Variants in FSD1L observed in about 807,000 individuals in gnomAD.
FSD1L encodes fibronectin type III and SPRY domain containing 1 like.
In FSD1L, 45 loss-of-function variants were observed where a neutral mutation model predicts 71.6. The ratio of observed to expected loss-of-function variants is 0.63; its 90% CI spans 0.49 to 0.81. The LOEUF (loss-of-function observed/expected upper bound fraction) is 0.81, where lower values mean the gene tolerates loss of function less well. FSD1L is among the 30% of genes least tolerant of loss of function. The pLI, the probability that FSD1L is intolerant of heterozygous loss-of-function variation, is 0.00. For missense variants in FSD1L, 561 were observed against 618.1 expected (o/e 0.91, Z 0.98); for synonymous variants, 197 against 207.2 (o/e 0.95, Z 0.42).
Position 105,520,304 on chromosome 9 carries a change from C to T in FSD1L, c.1025+7368C>T, listed in dbSNP as rs565749386. On this transcript the variant is annotated intron_variant, in intron 10 of 13. Coordinates refer to ENST00000481272, the MANE Select transcript of FSD1L (RefSeq NM_001145313.3). ...CTGAATCCTAGTTCAGAGTTTATCT[C>T]GAGCTGTCTTCCTGATGCGTATTTG... The T allele has an allele frequency of 4.2e-5, 63 of 1,493,024 alleles. No individual in the cohort carries two copies. In the South Asian group the frequency reaches 6.8e-4, roughly 16 times the overall value. 92.5% of individuals were successfully genotyped at this position (1,493,024 alleles called of 1,614,324 possible). A position where few individuals can be genotyped will look rare whatever the true frequency, so the allele number is the denominator to read the frequency against.
intron 9 of FSD1L, 60 bp from the exon 10 acceptor site, chr9:105,512,747 G>A: frequency 1.0e-6 from 1 of 960,066 alleles, no homozygotes; most frequent in Non-Finnish European, 1.5e-6. Flanking sequence ...TGATAGCTGT[G>A]TTTCAGAAAG....
At chr9:105,525,823 C>T (rs1403668366) in intron 10 of FSD1L, 2 of 1,605,054 alleles carry the variant, frequency 1.2e-6, no homozygotes, top group Admixed American at 3.3e-5. Flanking sequence ...GGGAGGACTA[C>T]AAAAAAACAA....
intron 10 of FSD1L, chr9:105,524,815 C>T (rs1835406408): frequency 3.2e-6 from 5 of 1,586,770 alleles, no homozygotes; most frequent in Admixed American, 1.7e-5. Flanking sequence ...GGCCATTATC[C>T]AATGAGCGGT....
At chr9:105,452,665 G>GCCTGCCTGCCTGCCTGCCTGCCTT (rs1830095598) in intron 1 of FSD1L, among the ~76,000 whole-genome samples, 9 of 85,902 alleles carry the variant, frequency 1.0e-4, no homozygotes, top group African/African-American at 4.3e-4. Flanking sequence ...CTGCCTGCCT[G>GCCTGCCTGCCTGCCTGCCTGCCTT]CCTGCCTTCC....
chr9:105,454,876 T>G (rs1830268973), intron 1 of FSD1L, among the ~76,000 whole-genome samples: 2 of 152,380 alleles, frequency 1.3e-5, no homozygotes, highest in South Asian at 4.1e-4. Flanking sequence ...GTAGGCTGTC[T>G]CAGTTACATC....
intron 4 of FSD1L, among the ~76,000 whole-genome samples, chr9:105,469,183 C>T (rs1215707156): frequency 1.3e-5 from 2 of 152,196 alleles, no homozygotes; most frequent in African/African-American, 4.8e-5. Flanking sequence ...GACATTTTGG[C>T]AGCTTACACC....
At chr9:105,539,016 TA>T (rs1199355662) in intron 12 of FSD1L, among the ~76,000 whole-genome samples, 2 of 152,146 alleles carry the variant, frequency 1.3e-5, no homozygotes, top group Non-Finnish European at 2.9e-5. Flanking sequence ...TTGTATTAAA[TA>T]AGTCGAATCG....
intron 5 of FSD1L, among the ~76,000 whole-genome samples, chr9:105,478,459 A>G (rs909646068): frequency 6.6e-6 from 1 of 152,214 alleles, no homozygotes; most frequent in Non-Finnish European, 1.5e-5. Context: ...TTTGCTAGGC[A>G]CTGGGGATAC....
chr9:105,478,558 G>A lies in FSD1L; in HGVS notation c.442-796G>A, dbSNP rs998080217. Among the ~76,000 whole-genome samples the A allele has an allele frequency of 5.9e-5, 9 of 151,916 alleles. No homozygotes were observed. In the East Asian group the frequency reaches 1.5e-3, roughly 26 times the overall value. ...GAAAAAAACTTTTGTTGGATATATT[G>A]TATGTAAATATAAAAGGGACAACAG... On this transcript the variant is annotated intron_variant, in intron 5 of 13. Coordinates refer to ENST00000481272, the MANE Select transcript of FSD1L (RefSeq NM_001145313.3).
intron 5 of FSD1L, among the ~76,000 whole-genome samples, chr9:105,476,792 A>G (rs1831833158): frequency 6.6e-6 from 1 of 152,204 alleles, no homozygotes; most frequent in Non-Finnish European, 1.5e-5. Context: ...TTATTTTCCA[A>G]TTTAAGACAT....
At chr9:105,544,021 A>G (rs1213370396) in intron 13 of FSD1L, among the ~76,000 whole-genome samples, 7 of 152,188 alleles carry the variant, frequency 4.6e-5, no homozygotes, top group Admixed American at 3.3e-4. Context: ...GTCTTCCACA[A>G]TGGTTGAACC....
chr9:105,464,331 G>A lies in FSD1L; in HGVS notation c.207G>A (p.Gln69=), dbSNP rs1187957520. 2.1e-6 allele frequency: 3 copies of A among 1,407,368 alleles called. No homozygotes were observed. The highest frequency in any genetic ancestry group is 2.6e-5 in the East Asian group (1 of 38,586). 87.2% of individuals were successfully genotyped at this position (1,407,368 alleles called of 1,614,324 possible). Reference sequence around the variant, plus strand: ...TACATCATACACTAAAAGGAGTTCAGGTATGATTGTTTTATGAAAAATTTT... The same window carrying A: ...TACATCATACACTAAAAGGAGTTCAAGTATGATTGTTTTATGAAAAATTTT... The part of the protein sequence containing the change: ...DTLHHTLKGV[Q]ENSSNILSEL... The change falls in exon 3 of 14, where the codon CAG becomes CAA. Residue 69 remains glutamine, a splice_region_variant and synonymous_variant. Coordinates refer to ENST00000481272, the MANE Select transcript of FSD1L (RefSeq NM_001145313.3).
chr9:105,461,686 T>C (rs918103039), intron 2 of FSD1L, 71 bp downstream of exon 2: 6 of 894,790 alleles, frequency 6.7e-6, no homozygotes, highest in South Asian at 6.2e-5. Flanking sequence ...TTTAGATGTC[T>C]TTGACTATAC....
chr9:105,460,591 C>CAAAAAAA (rs35223160), intron 1 of FSD1L, among the ~76,000 whole-genome samples: 1 of 66,044 alleles, frequency 1.5e-5, no homozygotes, highest in Admixed American at 1.5e-4. Flanking sequence ...GACTCCATCT[C>CAAAAAAA]AAAAAAAAAA....
chr9:105,468,248 C>G lies in FSD1L; in HGVS notation c.263C>G (p.Ser88Cys), dbSNP rs992630306. Residue 88 changes from serine (S) to cysteine (C), a missense_variant, in exon 4 of 14, where the codon TCT becomes TGT. Transcript: ENST00000481272. ...GATGAAGAATTTGATAGTTTATACTCTATACTGGATGAAGTAAAAGAAAGT... is the reference window on the plus strand; with the variant it reads ...GATGAAGAATTTGATAGTTTATACTGTATACTGGATGAAGTAAAAGAAAGT... ...ELDEEFDSLY[S>C]ILDEVKESMI... is the part of the protein sequence containing the mutation. 1.4e-6 allele frequency: 2 copies of G among 1,472,382 alleles called. No homozygotes were observed. Among genetic ancestry groups the G allele is most frequent in the Non-Finnish European group, 8.9e-7 (1 of 1,118,224 alleles). 91.2% of individuals were successfully genotyped at this position (1,472,382 alleles called of 1,614,324 possible). A position where few individuals can be genotyped will look rare whatever the true frequency, so the allele number is the denominator to read the frequency against.
chr9:105,480,480 C>T (rs532607094), intron 6 of FSD1L, among the ~76,000 whole-genome samples: 1 of 152,188 alleles, frequency 6.6e-6, no homozygotes, highest in African/African-American at 2.4e-5. Context: ...TTTGTAGAAA[C>T]AGGGTCTTGC....
In FSD1L at chr9:105,545,964, A is replaced by G. The variant is rs79408111; in HGVS notation, c.1468-394A>G. Among the ~76,000 whole-genome samples, 315 of 152,228 alleles carry G rather than the reference A, an allele frequency of 2.1e-3. 1 individual carries two copies. The highest frequency in any genetic ancestry group is 7.0e-3 in the African/African-American group (292 of 41,542). ...TGTTAGATTTTTATAGTCTCAGGCCATATCTCATTATCAAAACCAAAAGCA... is the reference window on the plus strand; with the variant it reads ...TGTTAGATTTTTATAGTCTCAGGCCGTATCTCATTATCAAAACCAAAAGCA... On this transcript the variant is annotated intron_variant, in intron 13 of 13. Transcript: ENST00000481272.
Position 105,550,254 on chromosome 9 carries a change from C to A in FSD1L, c.*3771C>A, listed in dbSNP as rs1179620269. Reference sequence around the variant, plus strand: ...GTGTTATAGTTTGCTAAAAAAAAATCAAATTAACTGCATATAAAATGGTTC... The same window carrying A: ...GTGTTATAGTTTGCTAAAAAAAAATAAAATTAACTGCATATAAAATGGTTC... On this transcript the variant is annotated 3_prime_UTR_variant, in exon 14 of 14. Coordinates refer to ENST00000481272, the MANE Select transcript of FSD1L (RefSeq NM_001145313.3). 2.6e-5 allele frequency: 4 copies of A among 151,796 alleles called. No individual in the cohort carries two copies. The highest frequency in any genetic ancestry group is 6.6e-5 in the Admixed American group (1 of 15,236). 9.4% of individuals were successfully genotyped at this position (151,796 alleles called of 1,614,324 possible).
intron 5 of FSD1L, among the ~76,000 whole-genome samples, chr9:105,476,387 G>C (rs1386782729): frequency 6.6e-6 from 1 of 151,992 alleles, no homozygotes; most frequent in Non-Finnish European, 1.5e-5. Context: ...TGTCACCTGA[G>C]ACCAAACTTC....
Sources: gnomAD v4.1 joint callset for allele counts (sites outside exome capture counted in the v4.1 genomes callset) on GRCh38, gnomAD v4.1.1 for gene constraint, MANE v1.5 for transcripts, NCBI Gene and HGNC (gene_info 2026-07-23, HGNC 2026-07-21) for gene names.